MKNK2: variants seen among roughly 807,000 people sequenced by gnomAD.
The protein encoded by MKNK2 is MAP kinase-interacting serine/threonine-protein kinase 2.
MKNK2 carries 54 observed loss-of-function variants against 55.0 expected under a neutral mutation model. The ratio of observed to expected loss-of-function variants is 0.98; its 90% confidence interval spans 0.79 to 1.23. The LOEUF (loss-of-function observed/expected upper bound fraction) is 1.23. Ranked by LOEUF, MKNK2 falls within the 50% of genes most tolerant of loss-of-function variation. The probability of loss-of-function intolerance (pLI) is 0.00; values close to 1 mark genes in which losing one functional copy is unlikely to be tolerated. For synonymous variants in MKNK2, 323 were observed against 256.0 expected, an observed-to-expected ratio of 1.26 and a Z score of -2.50; for missense variants, 685 against 632.1, an observed-to-expected ratio of 1.08 and a Z score of -0.90.
chr19:2,039,546 T>TA lies in MKNK2; in HGVS notation c.*66dup. The TA allele has an allele frequency of 6.5e-7, 1 of 1,530,384 alleles. No homozygotes were observed. Among genetic ancestry groups the TA allele is most frequent in the South Asian group, 1.2e-5 (1 of 82,362 alleles). 94.8% of individuals were successfully genotyped at this position (1,530,384 alleles called of 1,614,324 possible). A position where few individuals can be genotyped will look rare whatever the true frequency, so the allele number is the denominator to read the frequency against. ...CAGCCCGCTGGACACCGGCTGGCGATAGCTTAAAAAACCTTTAGATTTGAT... is the reference window on the plus strand; with the variant it reads ...CAGCCCGCTGGACACCGGCTGGCGATAAGCTTAAAAAACCTTTAGATTTGAT... On this transcript the variant is annotated 3_prime_UTR_variant, in exon 14 of 14. Transcript: ENST00000250896.
chr19:2,042,955 G>C (rs1337563902), intron 7 of MKNK2, 85 bp from the exon 8 acceptor site: 6 of 1,427,094 alleles, frequency 4.2e-6, no homozygotes, highest in African/African-American at 1.4e-5. Flanking sequence ...CCTCCACTTT[G>C]GCGGGGACGC....
rs1164729283 is a variant in MKNK2, at chr19:2,039,080, C to T, written c.*533G>A. 3.0e-6 allele frequency: 3 copies of T among 986,884 alleles called. No homozygotes were observed. Among genetic ancestry groups the T allele is most frequent in the Non-Finnish European group, 3.6e-6 (3 of 830,652 alleles). 61.1% of individuals were successfully genotyped at this position (986,884 alleles called of 1,614,324 possible). On this transcript the variant is annotated 3_prime_UTR_variant, in exon 14 of 14. Coordinates refer to ENST00000250896, the MANE Select transcript of MKNK2 (RefSeq NM_199054.3). ...GCCTGACACCTCCAGAGACAGGCAG[C>T]CCCTCCCTTCCCCAACCAAGCCACC...
At chr19:2,042,135 C>A (rs2016900314) in intron 10 of MKNK2, 101 bp from the exon 11 acceptor site, 1 of 1,188,330 alleles carries the variant, frequency 8.4e-7, no homozygotes, top group Non-Finnish European at 1.1e-6. Context: ...GCTCGGACCC[C>A]GCCCCGCCGG....
chr19:2,050,119 C>T (rs1449961011), intron 2 of MKNK2, among the ~76,000 whole-genome samples: 1 of 152,198 alleles, frequency 6.6e-6, no homozygotes, highest in Admixed American at 6.5e-5. Context: ...CTGCCCTCCC[C>T]TTCCCCCCCA....
Position 2,041,963 on chromosome 19 carries a change from C to T in MKNK2, c.822G>A (p.Lys274=), listed in dbSNP as rs1182733145. ...CGCCCAGGCTCCACAGGTCGCAGCG[C>T]TTGTCGTAGATGCTAGCCTCCTCGC... is the stretch of plus-strand genomic sequence containing the variant. ...AFSEEASIYD[K]RCDLWSLGVI... Residue 274 remains lysine, a synonymous_variant, in exon 11 of 14, where the codon AAG becomes AAA. Coordinates refer to ENST00000250896, the MANE Select transcript of MKNK2 (RefSeq NM_199054.3). 6.4e-7 allele frequency: 1 copy of T among 1,562,722 alleles called. No individual in the cohort carries two copies.
rs1392861314 is a variant in MKNK2, at chr19:2,040,179, T to C, written c.1111-2A>G. 1.3e-6 allele frequency: 2 copies of C among 1,577,790 alleles called. No individual in the cohort carries two copies. Among genetic ancestry groups the C allele is most frequent in the Admixed American group, 1.9e-5 (1 of 52,592 alleles). On this transcript the variant is annotated splice_acceptor_variant, in intron 12 of 13. Coordinates refer to ENST00000250896, the MANE Select transcript of MKNK2 (RefSeq NM_199054.3). LOFTEE classifies it high-confidence loss of function. ...GGGCAAGGTGTTCTCCGGGGCGCAC[T>C]GCAACGAGAGTGGGCGGGGGCAGGG...
chr19:2,038,908 G>C lies in MKNK2; in HGVS notation c.*705C>G. On this transcript the variant is annotated 3_prime_UTR_variant, in exon 14 of 14. Transcript: ENST00000250896. ...GCTGCAGTTTAAGGTCAAGGTCGGA[G>C]GCCGAATCTGGCCACCAGGAGTCCT... 1.0e-6 allele frequency: 1 copy of C among 985,604 alleles called. No homozygotes were observed. The highest frequency in any genetic ancestry group is 1.2e-6 in the Non-Finnish European group (1 of 829,704). 61.1% of individuals were successfully genotyped at this position (985,604 alleles called of 1,614,324 possible). A position where few individuals can be genotyped will look rare whatever the true frequency, so the allele number is the denominator to read the frequency against.
chr19:2,039,529 T>C lies in MKNK2; in HGVS notation c.*84A>G. 1 of 1,492,426 alleles carries C rather than the reference T, an allele frequency of 6.7e-7. No individual in the cohort carries two copies. Among genetic ancestry groups the C allele is most frequent in the South Asian group, 1.3e-5 (1 of 76,980 alleles). 92.4% of individuals were successfully genotyped at this position (1,492,426 alleles called of 1,614,324 possible). On this transcript the variant is annotated 3_prime_UTR_variant, in exon 14 of 14. Coordinates refer to ENST00000250896, the MANE Select transcript of MKNK2 (RefSeq NM_199054.3). ...TCCAGGCAGAGGAGGGGCAGCCCGC[T>C]GGACACCGGCTGGCGATAGCTTAAA...
intron 5 of MKNK2, among the ~76,000 whole-genome samples, chr19:2,044,207 A>G (rs2016952960): frequency 6.6e-6 from 1 of 152,148 alleles, no homozygotes; most frequent in Non-Finnish European, 1.5e-5. Flanking sequence ...GGGAGGCCTC[A>G]GGACACCTGG....
chr19:2,048,732 C>A (rs996819922), intron 2 of MKNK2, among the ~76,000 whole-genome samples: 1 of 152,112 alleles, frequency 6.6e-6, no homozygotes, highest in Admixed American at 6.5e-5. Flanking sequence ...TGCCCTCCTG[C>A]CTCCCCACCC....
chr19:2,049,035 G>A (rs1416372056), intron 2 of MKNK2, among the ~76,000 whole-genome samples: 1 of 152,166 alleles, frequency 6.6e-6, no homozygotes, highest in Non-Finnish European at 1.5e-5. Context: ...TGACCTAAGG[G>A]GCCACAGAGC....
Position 2,039,833 on chromosome 19 carries a change from G to T in MKNK2, c.1178C>A (p.Thr393Lys). Reference protein sequence around the residue: ...LQRNSCAKDLTSFAAEAIAMN... With the variant: ...LQRNSCAKDLKSFAAEAIAMN... ...GGCAATGGCCTCAGCCGCGAAGGACGTGAGGTCTTTGGCACAGCTGTTCCT... is the reference window on the plus strand; with the variant it reads ...GGCAATGGCCTCAGCCGCGAAGGACTTGAGGTCTTTGGCACAGCTGTTCCT... The change falls in exon 14 of 14, where the codon ACG becomes AAG. Residue 393 changes from threonine (T) to lysine (K), a missense_variant. Physicochemically the swap from Thr to Lys is moderately conservative, Grantham distance 78 (BLOSUM62 -1). Coordinates refer to ENST00000250896, the MANE Select transcript of MKNK2 (RefSeq NM_199054.3). 1 of 1,599,732 alleles carries T rather than the reference G, an allele frequency of 6.3e-7. No individual in the cohort carries two copies. The highest frequency in any genetic ancestry group is 8.5e-7 in the Non-Finnish European group (1 of 1,176,440).
intron 12 of MKNK2, 181 bp from the exon 13 acceptor site, chr19:2,040,358 T>C: frequency 1.8e-6 from 1 of 567,724 alleles, no homozygotes; most frequent in Non-Finnish European, 3.1e-6. Flanking sequence ...ATGGTGAGGC[T>C]CCATGTCCCC....
chr19:2,048,038 G>T (rs1050979546), intron 2 of MKNK2, among the ~76,000 whole-genome samples: 1 of 146,982 alleles, frequency 6.8e-6, no homozygotes, highest in African/African-American at 2.5e-5. Flanking sequence ...GGTCCTGGGG[G>T]CTCACGGGAG....
At position 2,038,344 on chromosome 19, in the gene MKNK2, G is replaced by T; in HGVS notation, c.*1269C>A. 1.0e-6 allele frequency: 1 copy of T among 986,706 alleles called. No individual in the cohort carries two copies. Among genetic ancestry groups the T allele is most frequent in the Non-Finnish European group, 1.2e-6 (1 of 830,496 alleles). 61.1% of individuals were successfully genotyped at this position (986,706 alleles called of 1,614,324 possible). ...GGCTGCCCCAGCTGTGGAGCTCGGG[G>T]GCTGCGCCGGGAAGGGCGGGCGGTG... On this transcript the variant is annotated 3_prime_UTR_variant, in exon 14 of 14. Coordinates refer to ENST00000250896, the MANE Select transcript of MKNK2 (RefSeq NM_199054.3).
rs2016899394 is a variant in MKNK2 at position 2,042,102 on chromosome 19, CT to C, written c.751-69del. 5 of 1,366,628 alleles carry C rather than the reference CT, an allele frequency of 3.7e-6. No individual in the cohort carries two copies. The South Asian group carries it at 7.8e-5, about 21-fold the overall frequency. 84.7% of individuals were successfully genotyped at this position (1,366,628 alleles called of 1,614,324 possible). ...TTACGTGGGAACCGAGCCCGGGTAA[CT>C]GCGGGTCACCTGCGCCAGCCGGCTC... On this transcript the variant is annotated intron_variant, in intron 10 of 13. Transcript: ENST00000250896.
In MKNK2 at chr19:2,046,535, C is replaced by T. The variant is rs755189138; in HGVS notation, c.140-67G>A. Reference sequence around the variant, plus strand: ...TGGCCGGCCGGCCCCCACCCCCCTGCAGGGGCTGGCCACTGCCATGGCAGC... The same window carrying T: ...TGGCCGGCCGGCCCCCACCCCCCTGTAGGGGCTGGCCACTGCCATGGCAGC... On this transcript the variant is annotated intron_variant, in intron 3 of 13. Coordinates refer to ENST00000250896, the MANE Select transcript of MKNK2 (RefSeq NM_199054.3). 55 of 1,560,070 alleles carry T rather than the reference C, an allele frequency of 3.5e-5. No individual in the cohort carries two copies. In the African/African-American group the frequency reaches 4.8e-4, roughly 14 times the overall value.
rs762988379 is a variant in MKNK2, at chr19:2,046,695, C to A, written c.52-4G>T. 9.2e-6 allele frequency: 14 copies of A among 1,514,826 alleles called. No homozygotes were observed. The East Asian group carries it at 3.4e-4, about 36-fold the overall frequency. 93.8% of individuals were successfully genotyped at this position (1,514,826 alleles called of 1,614,324 possible). Reference sequence around the variant, plus strand: ...CCAGCTCGAAGGGGTTCTGCCCCTGCAGGGGAGAGGAGAGGAGAGGCACTC... The same window carrying A: ...CCAGCTCGAAGGGGTTCTGCCCCTGAAGGGGAGAGGAGAGGAGAGGCACTC... On this transcript the variant is annotated splice_region_variant and splice_polypyrimidine_tract_variant and intron_variant, in intron 2 of 13. Coordinates refer to ENST00000250896, the MANE Select transcript of MKNK2 (RefSeq NM_199054.3).
At chr19:2,046,332 TC>T in intron 4 of MKNK2, 34 bp downstream of exon 4, 1 of 1,604,040 alleles carries the variant, frequency 6.2e-7, no homozygotes. Context: ...TTTTCCCCGC[TC>T]CCGGCTCCCC....
Sources: gnomAD v4.1 joint callset for allele counts (sites outside exome capture counted in the v4.1 genomes callset) on GRCh38, gnomAD v4.1.1 for gene constraint, MANE v1.5 for transcripts, NCBI Gene and HGNC (gene_info 2026-07-23, HGNC 2026-07-21) for gene names.